Variants in CALD1 observed in about 807,000 individuals in gnomAD.
The protein encoded by CALD1 is caldesmon.
CALD1 carries 33 observed loss-of-function variants against 99.9 expected under a neutral mutation model. The ratio of observed to expected loss-of-function variants is 0.33; its 90% CI spans 0.25 to 0.44. The LOEUF (loss-of-function observed/expected upper bound fraction) is 0.44. Ranked by LOEUF, CALD1 falls within the 20% of genes least tolerant of loss-of-function variation. The probability of loss-of-function intolerance (pLI) is 1.00; values close to 1 mark genes in which losing one functional copy is unlikely to be tolerated. For missense variants in CALD1, 861 were observed against 962.1 expected (o/e 0.89, Z 1.39); for synonymous variants, 310 against 325.0 (o/e 0.95, Z 0.50).
intron 3 of CALD1, among the ~76,000 whole-genome samples, chr7:134,897,469 C>T (rs1177466877): frequency 1.3e-5 from 2 of 151,466 alleles, no homozygotes; most frequent in African/African-American, 4.8e-5. Context: ...CTGATATTTT[C>T]TATACGATTC....
intron 1 of CALD1, among the ~76,000 whole-genome samples, chr7:134,759,153 C>T (rs1174299505): frequency 6.6e-6 from 1 of 152,174 alleles, no homozygotes; most frequent in Non-Finnish European, 1.5e-5. Context: ...AACCTACAGG[C>T]AATGCCCTCT....
chr7:134,862,289 T>C (rs1203683617), intron 2 of CALD1, among the ~76,000 whole-genome samples: 1 of 152,234 alleles, frequency 6.6e-6, no homozygotes, highest in Non-Finnish European at 1.5e-5. Context: ...ATTATAGTGG[T>C]TAAGTGTATG....
the CALD1 span, among the ~76,000 whole-genome samples, chr7:134,713,997 G>A: frequency 6.6e-6 from 1 of 152,068 alleles, no homozygotes; most frequent in Non-Finnish European, 1.5e-5. Flanking sequence ...CTTTGGTGCT[G>A]TTCTCCTGAG....
At chr7:134,966,778 T>C (rs1441825848) in intron 14 of CALD1, among the ~76,000 whole-genome samples, 1 of 151,422 alleles carries the variant, frequency 6.6e-6, no homozygotes, top group African/African-American at 2.4e-5. Flanking sequence ...AAAAGAACTT[T>C]CTTTGTTATT....
At chr7:134,858,238 A>T (rs1290063108) in intron 2 of CALD1, among the ~76,000 whole-genome samples, 1 of 152,094 alleles carries the variant, frequency 6.6e-6, no homozygotes, top group Non-Finnish European at 1.5e-5. Context: ...GGGCCTTGTT[A>T]CTTAACTTGA....
intron 1 of CALD1, among the ~76,000 whole-genome samples, chr7:134,772,923 G>C (rs1326789279): frequency 6.6e-6 from 1 of 152,112 alleles, no homozygotes; most frequent in Non-Finnish European, 1.5e-5. Flanking sequence ...CCTCTATCCT[G>C]GGTTTGCATT....
At chr7:134,748,415 A>G (rs565016901) in intron 1 of CALD1, among the ~76,000 whole-genome samples, 14 of 152,348 alleles carry the variant, frequency 9.2e-5, no homozygotes, top group African/African-American at 3.1e-4. Flanking sequence ...TTTTGCATGC[A>G]AGAAGGATAT....
intron 1 of CALD1, among the ~76,000 whole-genome samples, chr7:134,819,701 T>C (rs939873980): frequency 3.4e-4 from 51 of 152,184 alleles, no homozygotes; most frequent in African/African-American, 1.2e-3. Context: ...TACCCAATGA[T>C]GACTATACGT....
chr7:134,960,320 A>T (rs902000885), intron 12 of CALD1: 2 of 674,024 alleles, frequency 3.0e-6, no homozygotes, highest in African/African-American at 3.6e-5. Context: ...TACTCCAAAT[A>T]AAGTGCCTGG....
At chr7:134,834,832 G>A (rs932740205) in intron 1 of CALD1, among the ~76,000 whole-genome samples, 1 of 152,168 alleles carries the variant, frequency 6.6e-6, no homozygotes, top group Non-Finnish European at 1.5e-5. Flanking sequence ...CAGGAACAAG[G>A]TCTATGGGAA....
At chr7:134,929,644 G>GTATA (rs1298035690) in intron 4 of CALD1, among the ~76,000 whole-genome samples, 2 of 1,810 alleles carry the variant, frequency 1.1e-3, no homozygotes, top group African/African-American at 4.0e-3. Flanking sequence ...GTGTGTGTGT[G>GTATA]TGTATATATA....
intron 3 of CALD1, among the ~76,000 whole-genome samples, chr7:134,894,839 AG>A (rs370568677): frequency 9.8e-4 from 150 of 152,328 alleles, no homozygotes; most frequent in African/African-American, 3.3e-3. Context: ...CCAAAGCCTA[AG>A]GAAGTTTACT....
chr7:134,880,616 T>A (rs1448108143), intron 3 of CALD1, among the ~76,000 whole-genome samples: 4 of 152,148 alleles, frequency 2.6e-5, no homozygotes, highest in South Asian at 2.1e-4. Flanking sequence ...GTTGTGTAGA[T>A]CTTGATCTTT....
At chr7:134,956,198 T>C (rs1358859072) in intron 9 of CALD1, among the ~76,000 whole-genome samples, 4 of 151,642 alleles carry the variant, frequency 2.6e-5, no homozygotes, top group Admixed American at 6.6e-5. Context: ...CTAGTATCTA[T>C]AAAACTGTTA....
intron 3 of CALD1, among the ~76,000 whole-genome samples, chr7:134,895,204 T>C (rs1328296576): frequency 6.6e-6 from 1 of 151,872 alleles, no homozygotes; most frequent in African/African-American, 2.4e-5. Context: ...ATATTGAGAT[T>C]TGTCAAAAGT....
intron 3 of CALD1, among the ~76,000 whole-genome samples, chr7:134,922,088 A>G (rs1804662084): frequency 6.6e-6 from 1 of 152,236 alleles, no homozygotes. Context: ...TATCCCATGT[A>G]TGTAAAAAAT....
chr7:134,886,744 G>A (rs886555015), intron 3 of CALD1, among the ~76,000 whole-genome samples: 7 of 152,342 alleles, frequency 4.6e-5, no homozygotes, highest in East Asian at 1.9e-4. Flanking sequence ...TAAATTGAGC[G>A]TGAGAGTGAT....
chr7:134,871,558 T>C (rs1242576690), intron 3 of CALD1, among the ~76,000 whole-genome samples: 1 of 152,162 alleles, frequency 6.6e-6, no homozygotes, highest in Non-Finnish European at 1.5e-5. Flanking sequence ...ATCAAGAAAT[T>C]ATACTTTTGT....
chr7:134,917,998 T>C (rs1804340461), intron 3 of CALD1, among the ~76,000 whole-genome samples: 1 of 152,194 alleles, frequency 6.6e-6, no homozygotes, highest in Non-Finnish European at 1.5e-5. Flanking sequence ...AAAGTGAATG[T>C]TTGTATCTGA....
Sources: allele counts gnomAD v4.1 joint callset (sites outside exome capture counted in the v4.1 genomes callset), GRCh38; gene constraint gnomAD v4.1.1; transcripts MANE v1.5; gene names NCBI Gene and HGNC (gene_info 2026-07-23, HGNC 2026-07-21).